The following CPEB3 variants were observed in gnomAD, a reference collection of about 807,000 sequenced individuals.
CPEB3 encodes cytoplasmic polyadenylation element-binding protein 3.
In CPEB3, 20 loss-of-function variants were observed where a neutral mutation model predicts 67.2. That is an observed-to-expected ratio of 0.30 (90% confidence interval 0.21 to 0.43). The LOEUF (loss-of-function observed/expected upper bound fraction) is 0.43, where lower values mean the gene tolerates loss of function less well. Among genes scored for constraint, CPEB3 ranks in the 20% least tolerant of loss-of-function variants. The probability of loss-of-function intolerance (pLI) is 1.00; values close to 1 mark genes in which losing one functional copy is unlikely to be tolerated. For missense variants in CPEB3, 746 were observed against 968.6 expected, an observed-to-expected ratio of 0.77 and a Z score of 3.05; for synonymous variants, 376 against 393.1, an observed-to-expected ratio of 0.96 and a Z score of 0.51.
At position 92,239,374 on chromosome 10, in the gene CPEB3, T is replaced by C; in HGVS notation, c.977A>G (p.Asp326Gly). The change falls in exon 2 of 10, where the codon GAT (aspartate) becomes GGT (glycine). Residue 326 changes from aspartate (D) to glycine (G), a missense_variant. By Grantham distance (94) the Asp-to-Gly change is moderately conservative. Transcript: ENST00000265997. This position sits in a 1 kb window ranked among gnomAD's most constrained non-coding sequence, Gnocchi z 6.0. The stretch of plus-strand genomic sequence containing the variant: ...AAATGGCAACAGATTGTTACCATTA[T>C]CGGTCCGGAAAGCGTTATCCTCCAT... ...SWMEDNAFRT[D>G]NGNNLLPFQD... 1.2e-6 allele frequency: 2 copies of C among 1,606,794 alleles called. No individual in the cohort carries two copies. Among genetic ancestry groups the C allele is most frequent in the Middle Eastern group, 1.8e-4 (1 of 5,456 alleles).
chr10:92,144,832 T>A, intron 5 of CPEB3, 113 bp downstream of exon 5: 1 of 852,752 alleles, frequency 1.2e-6, no homozygotes, highest in East Asian at 2.4e-5. Flanking sequence ...TAGTCTCACC[T>A]CCTATGCACT....
At chr10:92,055,318 T>C (rs1005532123) in intron 9 of CPEB3, among the ~76,000 whole-genome samples, 44 of 152,350 alleles carry the variant, frequency 2.9e-4, no homozygotes, top group African/African-American at 1.0e-3. Context: ...TTTTCATAAC[T>C]GCCTCGAGGC....
chr10:92,208,195 TA>T (rs1420306989), intron 2 of CPEB3, among the ~76,000 whole-genome samples: 4 of 152,170 alleles, frequency 2.6e-5, no homozygotes, highest in Non-Finnish European at 5.9e-5. Context: ...AGAAAGTGAA[TA>T]TTTGCTTGTC....
At chr10:92,215,982 T>G (rs1289931656) in intron 2 of CPEB3, among the ~76,000 whole-genome samples, 5 of 149,212 alleles carry the variant, frequency 3.4e-5, no homozygotes, top group Admixed American at 2.0e-4. Context: ...TCTCCTGACC[T>G]CATGATCCAC....
intron 1 of CPEB3, among the ~76,000 whole-genome samples, chr10:92,286,255 T>C (rs144810009): frequency 3.9e-5 from 6 of 152,050 alleles, no homozygotes; most frequent in African/African-American, 7.2e-5. Context: ...TTTCTAAATA[T>C]AAACATATTT....
intron 2 of CPEB3, among the ~76,000 whole-genome samples, chr10:92,208,559 T>G (rs1351225043): frequency 3.3e-5 from 5 of 151,972 alleles, no homozygotes; most frequent in Non-Finnish European, 7.4e-5. Flanking sequence ...GGGCAATGTG[T>G]CTGGCCTCCC....
At chr10:92,121,158 G>A (rs1050460112) in intron 6 of CPEB3, among the ~76,000 whole-genome samples, 8 of 151,634 alleles carry the variant, frequency 5.3e-5, no homozygotes, top group Non-Finnish European at 8.8e-5. Context: ...ACAGGCACGT[G>A]CCACCACACC....
chr10:92,198,748 T>C (rs1388824269), intron 2 of CPEB3, among the ~76,000 whole-genome samples: 1 of 152,192 alleles, frequency 6.6e-6, no homozygotes, highest in Non-Finnish European at 1.5e-5. Context: ...AAACTGAGGC[T>C]CACAAAGGTT....
chr10:92,121,396 T>C (rs1415960355), intron 6 of CPEB3, among the ~76,000 whole-genome samples: 1 of 132,486 alleles, frequency 7.5e-6, no homozygotes, highest in Non-Finnish European at 1.6e-5. Flanking sequence ...TATATATATA[T>C]AATAGAGAGA....
chr10:92,202,980 C>T (rs1252458773), intron 2 of CPEB3, among the ~76,000 whole-genome samples: 65 of 146,620 alleles, frequency 4.4e-4, no homozygotes, highest in African/African-American at 1.6e-3. Flanking sequence ...CTAGCTCTGT[C>T]GCCCAGGCTG....
chr10:92,258,982 T>C (rs1286371830), intron 1 of CPEB3, among the ~76,000 whole-genome samples: 1 of 151,084 alleles, frequency 6.6e-6, no homozygotes, highest in Non-Finnish European at 1.5e-5. Context: ...TTTTTTTCTT[T>C]GAGACAGTCT....
At chr10:92,258,627 TATATA>T (rs1852633332) in intron 1 of CPEB3, among the ~76,000 whole-genome samples, 1 of 5,070 alleles carries the variant, frequency 2.0e-4, no homozygotes, top group African/African-American at 5.4e-4. Flanking sequence ...ATTTTTTGAA[TATATA>T]TATATATATA....
At chr10:92,154,120 A>T (rs1010307053) in intron 4 of CPEB3, among the ~76,000 whole-genome samples, 1 of 152,246 alleles carries the variant, frequency 6.6e-6, no homozygotes, top group Non-Finnish European at 1.5e-5. Context: ...AGCACAGCAT[A>T]TATTAAATGT....
intron 7 of CPEB3, among the ~76,000 whole-genome samples, chr10:92,099,862 A>G (rs1038750601): frequency 6.7e-6 from 1 of 150,158 alleles, no homozygotes; most frequent in Non-Finnish European, 1.5e-5. Flanking sequence ...CCGTCTCAAA[A>G]AAAAAAGAAG....
At chr10:92,253,333 G>A (rs377493633) in intron 1 of CPEB3, among the ~76,000 whole-genome samples, 45 of 151,890 alleles carry the variant, frequency 3.0e-4, no homozygotes, top group Admixed American at 5.9e-4. Flanking sequence ...GGTGGCACAC[G>A]CCTGTTGTCC....
At chr10:92,201,284 T>G (rs897889934) in intron 2 of CPEB3, among the ~76,000 whole-genome samples, 5 of 152,074 alleles carry the variant, frequency 3.3e-5, no homozygotes, top group African/African-American at 1.2e-4. Flanking sequence ...TCCTAGCACT[T>G]TGGGAGGCCG....
At chr10:92,267,285 C>T (rs969986080) in intron 1 of CPEB3, among the ~76,000 whole-genome samples, 1 of 152,106 alleles carries the variant, frequency 6.6e-6, no homozygotes, top group African/African-American at 2.4e-5. Context: ...TGTTGTTTTA[C>T]AACCCTTTAA....
At chr10:92,091,075 G>T (rs1413000054) in intron 8 of CPEB3, among the ~76,000 whole-genome samples, 1 of 152,030 alleles carries the variant, frequency 6.6e-6, no homozygotes, top group Non-Finnish European at 1.5e-5. Context: ...ATAACGTTAG[G>T]TTACATTTTA....
intron 4 of CPEB3, among the ~76,000 whole-genome samples, chr10:92,150,911 C>T (rs1018424159): frequency 2.6e-5 from 4 of 152,106 alleles, no homozygotes; most frequent in Non-Finnish European, 4.4e-5. Context: ...TCAATAAAAG[C>T]AGGAGAAAGG....
Sources: allele counts gnomAD v4.1 joint callset (sites outside exome capture counted in the v4.1 genomes callset), GRCh38; gene constraint gnomAD v4.1.1; non-coding constraint Gnocchi (gnomAD v3.1); transcripts MANE v1.5; gene names NCBI Gene and HGNC (gene_info 2026-07-23, HGNC 2026-07-21).